The following ERBIN variants were observed in gnomAD, a reference collection of about 807,000 sequenced individuals.
The protein encoded by ERBIN is densin-180-like protein.
ERBIN carries 60 observed loss-of-function variants against 158.4 expected under a neutral mutation model. The observed-to-expected ratio is 0.38, with a 90% CI of 0.31 to 0.47. ERBIN has a LOEUF of 0.47. Ranked by LOEUF, ERBIN falls within the 20% of genes least tolerant of loss-of-function variation. The probability of loss-of-function intolerance (pLI) is 0.99; values close to 1 mark genes in which losing one functional copy is unlikely to be tolerated. For missense variants in ERBIN, 1,610 were observed against 1,648.0 expected, an observed-to-expected ratio of 0.98 and a Z score of 0.40; for synonymous variants, 594 against 557.2, an observed-to-expected ratio of 1.07 and a Z score of -0.93.
intron 21 of ERBIN, among the ~76,000 whole-genome samples, chr5:66,065,919 T>C (rs1363710582): frequency 6.6e-6 from 1 of 152,144 alleles, no homozygotes; most frequent in Non-Finnish European, 1.5e-5. Context: ...TCTGAGAGTT[T>C]AATGTGATTC....
At chr5:66,057,276 G>T (rs1161095796) in intron 21 of ERBIN, among the ~76,000 whole-genome samples, 1 of 152,122 alleles carries the variant, frequency 6.6e-6, no homozygotes, top group Non-Finnish European at 1.5e-5. Flanking sequence ...TACTAGGATT[G>T]TTTAAAAATT....
chr5:65,931,449 C>G (rs1045347919), intron 1 of ERBIN, among the ~76,000 whole-genome samples: 5 of 152,158 alleles, frequency 3.3e-5, no homozygotes, highest in African/African-American at 1.2e-4. Flanking sequence ...AGGATTCACT[C>G]TGTTATAATA....
intron 1 of ERBIN, among the ~76,000 whole-genome samples, chr5:65,985,811 A>G (rs746630140): frequency 3.9e-5 from 6 of 152,146 alleles, no homozygotes; most frequent in Non-Finnish European, 8.8e-5. Context: ...CCTTCCAAAT[A>G]GTGTTTTGCC....
rs1201693823 is a variant in ERBIN at position 66,050,788 on chromosome 5, A to G, written c.1909A>G (p.Thr637Ala). The G allele has an allele frequency of 1.3e-6, 2 of 1,541,676 alleles. No homozygotes were observed. Among genetic ancestry groups the G allele is most frequent in the Admixed American group, 4.5e-5 (2 of 44,934 alleles). ...TTAAATTTGTTTTGTTTCAGATGAT[A>G]CAAAGGAAACAGATTCTTTATCAGA... The part of the protein sequence containing the change: ...VALSNNKKDD[T>A]KETDSLSDEV... Residue 637 changes from threonine to alanine, a missense_variant, in exon 20 of 26, where the codon ACA becomes GCA. Coordinates refer to ENST00000284037, the MANE Select transcript of ERBIN (RefSeq NM_001253697.2).
intron 1 of ERBIN, among the ~76,000 whole-genome samples, chr5:65,930,160 A>G (rs961642603): frequency 6.6e-6 from 1 of 152,090 alleles, no homozygotes; most frequent in Non-Finnish European, 1.5e-5. Context: ...CTGTTAGTCT[A>G]TGTTTATCAC....
chr5:66,049,164 A>G (rs184915320), intron 19 of ERBIN, among the ~76,000 whole-genome samples: 2 of 152,236 alleles, frequency 1.3e-5, no homozygotes, highest in East Asian at 3.9e-4. Flanking sequence ...CTTTTAGCAC[A>G]GTACCTTATG....
At chr5:65,945,042 A>G (rs1745572827) in intron 1 of ERBIN, among the ~76,000 whole-genome samples, 1 of 152,214 alleles carries the variant, frequency 6.6e-6, no homozygotes, top group African/African-American at 2.4e-5. Flanking sequence ...CATTTATTGG[A>G]ATGGTTGGAG....
At chr5:66,055,018 A>G in intron 21 of ERBIN, 67 bp downstream of exon 21, 1 of 1,458,046 alleles carries the variant, frequency 6.9e-7, no homozygotes, top group Non-Finnish European at 9.1e-7. Context: ...AAATGATGAA[A>G]CAAGATTCTC....
intron 1 of ERBIN, among the ~76,000 whole-genome samples, chr5:65,940,336 A>G (rs1313726242): frequency 6.9e-6 from 1 of 143,886 alleles, no homozygotes; most frequent in African/African-American, 2.7e-5. Context: ...AGAAGTGAGG[A>G]GCCCCTCCGC....
rs1758193676 is a variant in ERBIN at position 66,044,259 on chromosome 5, T to C, written c.1551T>C (p.Asp517=). Residue 517 remains aspartate, a synonymous_variant, in exon 17 of 26, where the codon GAT becomes GAC. Transcript: ENST00000284037. ...AGACCAATGAAGACTCAGGAAGAGA[T>C]TTGAAACCACATGAAGATCAACAAG... is the stretch of plus-strand genomic sequence containing the variant. ...DEETNEDSGR[D]LKPHEDQQDI... is the part of the protein sequence containing the mutation. 6.2e-7 allele frequency: 1 copy of C among 1,609,276 alleles called. No homozygotes were observed.
intron 14 of ERBIN, among the ~76,000 whole-genome samples, chr5:66,037,382 T>C (rs1423686049): frequency 6.6e-6 from 1 of 152,130 alleles, no homozygotes; most frequent in Admixed American, 6.6e-5. Context: ...TTGTAAGCGC[T>C]ACCCTCACCT....
At chr5:66,039,294 A>T (rs1250958024) in intron 15 of ERBIN, among the ~76,000 whole-genome samples, 1 of 151,924 alleles carries the variant, frequency 6.6e-6, no homozygotes, top group African/African-American at 2.4e-5. Flanking sequence ...GAGCACAGCC[A>T]CATTCATTCA....
chr5:66,002,529 C>A (rs1753112581), intron 4 of ERBIN, among the ~76,000 whole-genome samples: 1 of 152,084 alleles, frequency 6.6e-6, no homozygotes, highest in African/African-American at 2.4e-5. Flanking sequence ...GAATAAAATG[C>A]CAGGGATTAC....
intron 1 of ERBIN, among the ~76,000 whole-genome samples, chr5:65,946,027 T>C (rs1359545640): frequency 1.3e-5 from 2 of 152,164 alleles, no homozygotes; most frequent in Non-Finnish European, 2.9e-5. Context: ...CTCCCTCCTA[T>C]ATTCCCTTTA....
chr5:66,014,485 A>G (rs911058050), intron 6 of ERBIN, among the ~76,000 whole-genome samples, 184 bp from the exon 7 acceptor site: 1 of 152,182 alleles, frequency 6.6e-6, no homozygotes, highest in African/African-American at 2.4e-5. Flanking sequence ...TCTGACCACA[A>G]TTTTGAGGAG....
intron 8 of ERBIN, among the ~76,000 whole-genome samples, chr5:66,022,170 G>A (rs1473592691): frequency 6.6e-6 from 1 of 152,076 alleles, no homozygotes; most frequent in Non-Finnish European, 1.5e-5. Context: ...GTTTGAGGAG[G>A]AACATGGTAC....
At chr5:65,935,423 G>A (rs1743957491) in intron 1 of ERBIN, among the ~76,000 whole-genome samples, 1 of 152,084 alleles carries the variant, frequency 6.6e-6, no homozygotes, top group Non-Finnish European at 1.5e-5. Flanking sequence ...CATATGTTAT[G>A]TGTGTGAGGA....
chr5:66,077,508 A>G (rs1182556432), intron 25 of ERBIN, among the ~76,000 whole-genome samples: 2 of 152,136 alleles, frequency 1.3e-5, no homozygotes, highest in Non-Finnish European at 2.9e-5. Flanking sequence ...AGAGACATTA[A>G]TGTCTAATAG....
chr5:65,931,979 C>T (rs1261860446), intron 1 of ERBIN, among the ~76,000 whole-genome samples: 1 of 151,898 alleles, frequency 6.6e-6, no homozygotes, highest in African/African-American at 2.4e-5. Flanking sequence ...CCACCATGTC[C>T]AGCTAATTTT....
Sources: allele counts gnomAD v4.1 joint callset (sites outside exome capture counted in the v4.1 genomes callset), GRCh38; gene constraint gnomAD v4.1.1; transcripts MANE v1.5; gene names NCBI Gene and HGNC (gene_info 2026-07-23, HGNC 2026-07-21).